The following ATP5MG variants were observed in gnomAD, a reference collection of about 807,000 sequenced individuals.
The protein encoded by ATP5MG is ATP synthase membrane subunit g, also known as ATP synthase F(0) complex subunit g, mitochondrial.
In ATP5MG, 7 loss-of-function variants were observed where a neutral mutation model predicts 12.7. That is an observed-to-expected ratio of 0.55 (90% CI 0.31 to 1.04). ATP5MG has a LOEUF of 1.04. ATP5MG is among the 50% of genes least tolerant of loss of function. ATP5MG has a pLI of 0.05. For synonymous variants in ATP5MG, 53 were observed against 48.2 expected (o/e 1.10, Z -0.41); for missense variants, 116 against 126.7 (o/e 0.92, Z 0.41).
At chr11:118,407,195 G>C in intron 2 of ATP5MG, 98 bp downstream of exon 2, 1 of 1,517,394 alleles carries the variant, frequency 6.6e-7, no homozygotes, top group Non-Finnish European at 8.8e-7. Context: ...TTTCCAATGA[G>C]GCTGAATCCA....
At chr11:118,402,537 T>A (rs1216265750) in intron 1 of ATP5MG, among the ~76,000 whole-genome samples, 1 of 152,142 alleles carries the variant, frequency 6.6e-6, no homozygotes, top group African/African-American at 2.4e-5. Context: ...TTTTCCTAGA[T>A]GTGCTGTATT....
chr11:118,401,932 G>A (rs1555131173), intron 1 of ATP5MG: 1 of 559,942 alleles, frequency 1.8e-6, no homozygotes, highest in African/African-American at 1.9e-5. Context: ...CAACCTAGAA[G>A]TTCCTGAATT....
Position 118,408,140 on chromosome 11 carries a change from T to C in ATP5MG, c.214-860T>C, listed in dbSNP as rs535126386. On this transcript the variant is annotated intron_variant, in intron 2 of 2. Transcript: ENST00000300688. ...TCGCGCCACTGCACTCCAGCCTGGG[T>C]GACAGAGCGAGACTCCATCTCAAAA... 6.4e-3 allele frequency among the ~76,000 whole-genome samples: 974 copies of C among 152,130 alleles called. 12 individuals are homozygous for C. The highest frequency in any genetic ancestry group is 6.0e-3 in the Non-Finnish European group (409 of 67,994).
intron 1 of ATP5MG, 195 bp from the exon 2 acceptor site, chr11:118,406,742 C>T (rs925664460): frequency 1.4e-6 from 1 of 722,374 alleles, no homozygotes; most frequent in East Asian, 2.9e-5. Flanking sequence ...CCCTGTGGCA[C>T]AGGTGTTCTG....
At chr11:118,402,874 A>G (rs1948940925) in intron 1 of ATP5MG, among the ~76,000 whole-genome samples, 1 of 151,414 alleles carries the variant, frequency 6.6e-6, no homozygotes, top group African/African-American at 2.4e-5. Flanking sequence ...TAATTTTTGT[A>G]TGTTTTAAGA....
chr11:118,407,451 A>G (rs1425863656), intron 2 of ATP5MG: 14 of 196,650 alleles, frequency 7.1e-5, no homozygotes, highest in African/African-American at 2.4e-4. Flanking sequence ...ATTGTCCCCA[A>G]TTCAGCCAAA....
intron 1 of ATP5MG, among the ~76,000 whole-genome samples, chr11:118,404,289 T>C (rs1419840630): frequency 4.6e-5 from 7 of 152,218 alleles, no homozygotes; most frequent in African/African-American, 7.2e-5. Flanking sequence ...GATTTTTTTT[T>C]CCCTTAACTG....
At chr11:118,403,143 C>A (rs1555131421) in intron 1 of ATP5MG, among the ~76,000 whole-genome samples, 1 of 152,212 alleles carries the variant, frequency 6.6e-6, no homozygotes, top group African/African-American at 2.4e-5. Flanking sequence ...GCAAGAAAAT[C>A]TTTTACTTTA....
intron 2 of ATP5MG, among the ~76,000 whole-genome samples, chr11:118,407,742 T>C (rs1466034506): frequency 2.0e-5 from 3 of 151,932 alleles, no homozygotes; most frequent in African/African-American, 7.3e-5. Flanking sequence ...TGTGGTGGCA[T>C]GTACCTGTAG....
At position 118,401,674 on chromosome 11, in the gene ATP5MG, A is replaced by G. The variant is rs782607970; in HGVS notation, c.9A>G (p.Gln3=). 6 of 1,613,870 alleles carry G rather than the reference A, an allele frequency of 3.7e-6. No individual in the cohort carries two copies. Among genetic ancestry groups the G allele is most frequent in the Non-Finnish European group, 5.1e-6 (6 of 1,179,974 alleles). ...CTCTCCATTCCAGAACCATGGCCCA[A>G]TTTGTCCGTAACCTTGTGGAGAAGA... is the stretch of plus-strand genomic sequence containing the variant. MA[Q]FVRNLVEKTP... The change falls in exon 1 of 3, where the codon CAA becomes CAG. Residue 3 remains glutamine (Q), a synonymous_variant. Coordinates refer to ENST00000300688, the MANE Select transcript of ATP5MG (RefSeq NM_006476.5).
Position 118,406,963 on chromosome 11 carries a change from T to C in ATP5MG, c.79T>C (p.Leu27=). The C allele has an allele frequency of 6.2e-7, 1 of 1,612,842 alleles. No individual in the cohort carries two copies. Among genetic ancestry groups the C allele is most frequent in the Non-Finnish European group, 8.5e-7 (1 of 1,179,356 alleles). Residue 27 remains leucine (L), a synonymous_variant, in exon 2 of 3, where the codon TTG becomes CTG. Coordinates refer to ENST00000300688, the MANE Select transcript of ATP5MG (RefSeq NM_006476.5). ...TGCTGTGACTTACTCGAAGCCTCGA[T>C]TGGCCACATTTTGGTACTACGCCAA... ...NAAVTYSKPR[L]ATFWYYAKVE... is the part of the protein sequence containing the mutation.
chr11:118,403,968 A>C (rs1948952051), intron 1 of ATP5MG: 1 of 151,634 alleles, frequency 6.6e-6, no homozygotes, highest in African/African-American at 2.4e-5. Context: ...GTGATCTAAA[A>C]AGAAAAGTAA....
At chr11:118,407,216 GA>G in intron 2 of ATP5MG, 119 bp downstream of exon 2, 2 of 1,419,318 alleles carry the variant, frequency 1.4e-6, no homozygotes, top group South Asian at 1.4e-5. Context: ...GCATAATGAG[GA>G]AAAAAATTTT....
chr11:118,402,053 T>A (rs1260769217), intron 1 of ATP5MG, among the ~76,000 whole-genome samples: 1 of 152,102 alleles, frequency 6.6e-6, no homozygotes, highest in Non-Finnish European at 1.5e-5. Context: ...AGGGGATGGT[T>A]CTGTTAGGAG....
rs148780758 is a variant in ATP5MG, at chr11:118,407,238, G to A, written c.213+141G>A. ...GAGGAAAAAAATTTTGACTGCTGAGGAAGATACTTACTTTTCTAATTTTGT... is the reference window on the plus strand; with the variant it reads ...GAGGAAAAAAATTTTGACTGCTGAGAAAGATACTTACTTTTCTAATTTTGT... On this transcript the variant is annotated intron_variant, in intron 2 of 2. Transcript: ENST00000300688. 58 of 1,231,896 alleles carry A rather than the reference G, an allele frequency of 4.7e-5. No individual in the cohort carries two copies. The East Asian group carries it at 1.5e-3, about 31-fold the overall frequency. The allele number at this position is 1,231,896 out of a possible 1,614,324, so 76.3% of individuals were successfully genotyped here. A position where few individuals can be genotyped will look rare whatever the true frequency, so the allele number is the denominator to read the frequency against.
At chr11:118,408,947 A>G (rs558601351) in intron 2 of ATP5MG, 53 bp from the exon 3 acceptor site, 90 of 445,202 alleles carry the variant, frequency 2.0e-4, no homozygotes, top group African/African-American at 1.5e-3. Context: ...ATATATATAT[A>G]TAATTATATA....
intron 1 of ATP5MG, 113 bp downstream of exon 1, chr11:118,401,830 C>T: frequency 1.5e-6 from 2 of 1,306,436 alleles, no homozygotes; most frequent in South Asian, 1.4e-5. Flanking sequence ...GGTGCCGGGG[C>T]GGGATGGCCT....
rs781889135 is a variant in ATP5MG at position 118,406,908 on chromosome 11, T to TTTTTG, written c.53-9_53-5dup. ...CGGTCTCTAGTGAGTTCATCCTGGT[T>TTTTTG]TTTTGTTTTGTTTTGTTTTGTTTTC... On this transcript the variant is annotated intron_variant, in intron 1 of 2. Coordinates refer to ENST00000300688, the MANE Select transcript of ATP5MG (RefSeq NM_006476.5). 1.3e-4 allele frequency: 204 copies of TTTTTG among 1,563,342 alleles called. No individual in the cohort carries two copies. In the Middle Eastern group the frequency reaches 1.3e-3, roughly 10 times the overall value.
At chr11:118,402,215 G>A (rs1461850435) in intron 1 of ATP5MG, among the ~76,000 whole-genome samples, 1 of 152,140 alleles carries the variant, frequency 6.6e-6, no homozygotes, top group East Asian at 1.9e-4. Flanking sequence ...TGTCCTAGAC[G>A]GATTCTAAGA....
Sources: allele counts gnomAD v4.1 joint callset (sites outside exome capture counted in the v4.1 genomes callset), GRCh38; gene constraint gnomAD v4.1.1; transcripts MANE v1.5; gene names NCBI Gene and HGNC (gene_info 2026-07-23, HGNC 2026-07-21).